The following EXD3 variants were observed in gnomAD, a reference collection of about 807,000 sequenced individuals.
EXD3 encodes the protein exonuclease mut-7 homolog.
Under a neutral mutation model 98.0 loss-of-function variants are expected in EXD3, and 92 were observed. The observed-to-expected ratio is 0.94, with a 90% CI of 0.79 to 1.12. EXD3 has a LOEUF of 1.12. EXD3 is among the 50% of genes most tolerant of loss of function. EXD3 has a pLI of 0.00. For missense variants in EXD3, 1,222 were observed against 1,191.6 expected, an observed-to-expected ratio of 1.03 and a Z score of -0.38; for synonymous variants, 569 against 526.0, an observed-to-expected ratio of 1.08 and a Z score of -1.12.
chr9:137,365,894 G>A (rs895218715), intron 7 of EXD3: 2 of 383,664 alleles, frequency 5.2e-6, no homozygotes, highest in Non-Finnish European at 1.0e-5. Flanking sequence ...CACACCTGCA[G>A]GCACACACAT....
At chr9:137,373,377 G>A (rs758238927) in intron 4 of EXD3, 49 bp downstream of exon 4, 1 of 1,584,598 alleles carries the variant, frequency 6.3e-7, no homozygotes, top group Non-Finnish European at 8.5e-7. Context: ...ACTATGCTGA[G>A]GGGCAGGGGC....
chr9:137,323,233 G>A (rs368216184), intron 19 of EXD3, among the ~76,000 whole-genome samples: 1 of 6,984 alleles, frequency 1.4e-4, no homozygotes, highest in Non-Finnish European at 2.7e-4. Flanking sequence ...CCCACCCCGG[G>A]CCCACGAGGG....
intron 1 of EXD3, among the ~76,000 whole-genome samples, chr9:137,399,596 C>T (rs1315274726): frequency 2.0e-5 from 3 of 152,174 alleles, no homozygotes; most frequent in Non-Finnish European, 4.4e-5. Context: ...TTCCTAACCC[C>T]CATATTAGTT....
Position 137,347,962 on chromosome 9 carries a change from G to T in EXD3, c.1998+109C>A. On this transcript the variant is annotated intron_variant, in intron 17 of 21. Transcript: ENST00000340951. This position sits in a 1 kb window ranked among gnomAD's most constrained non-coding sequence, Gnocchi z 4.2. ...TTCCCAGAGCCTGCCTGGCACAGCT[G>T]GCAGCCATGGATGAGCTGGAGGGAG... 3 of 1,311,744 alleles carry T rather than the reference G, an allele frequency of 2.3e-6. No individual in the cohort carries two copies. The highest frequency in any genetic ancestry group is 3.1e-6 in the Non-Finnish European group (3 of 967,852). The allele number at this position is 1,311,744 out of a possible 1,614,324, so 81.3% of individuals were successfully genotyped here. A position where few individuals can be genotyped will look rare whatever the true frequency, so the allele number is the denominator to read the frequency against.
chr9:137,335,609 G>T (rs539832935), intron 17 of EXD3, among the ~76,000 whole-genome samples: 70 of 152,250 alleles, frequency 4.6e-4, no homozygotes, highest in African/African-American at 1.6e-3. Context: ...GAACCCGGGA[G>T]GCGGAGGTTG....
intron 17 of EXD3, among the ~76,000 whole-genome samples, chr9:137,333,542 G>A (rs554398470): frequency 8.5e-5 from 13 of 152,172 alleles, no homozygotes; most frequent in Non-Finnish European, 1.9e-4. Context: ...CTGGCCTGGA[G>A]GGAGGCCACT....
At position 137,385,866 on chromosome 9, in the gene EXD3, G is replaced by A. The variant is rs543715453; in HGVS notation, c.56-2489C>T. ...TCTTTTAAAGCAGAGTTTCAGATGC[G>A]TGAGATGAGAAGGTTCTGCAGGTGG... On this transcript the variant is annotated intron_variant, in intron 2 of 21. Transcript: ENST00000340951. This position sits in a 1 kb window ranked among gnomAD's most constrained non-coding sequence, Gnocchi z 4.4. Among the ~76,000 whole-genome samples, 9 of 152,270 alleles carry A rather than the reference G, an allele frequency of 5.9e-5. No homozygotes were observed. The highest frequency in any genetic ancestry group is 1.9e-4 in the East Asian group (1 of 5,186).
At chr9:137,346,238 CAAAAAAAAAAA>C (rs563761495) in intron 17 of EXD3, among the ~76,000 whole-genome samples, 7 of 13,614 alleles carry the variant, frequency 5.1e-4, no homozygotes, top group East Asian at 2.1e-3. Context: ...GACTCCGTCT[CAAAAAAAAAAA>C]AAAAAAAAAA....
intron 8 of EXD3, among the ~76,000 whole-genome samples, chr9:137,356,026 G>T (rs1183009054): frequency 1.3e-5 from 2 of 152,188 alleles, no homozygotes; most frequent in Admixed American, 6.5e-5. Context: ...AGCCCTCCCG[G>T]AGCCGCCTAG....
At position 137,373,447 on chromosome 9, in the gene EXD3, C is replaced by T. The variant is rs1267312882; in HGVS notation, c.273G>A (p.Gln91=). The T allele has an allele frequency of 6.2e-7, 1 of 1,608,566 alleles. No individual in the cohort carries two copies. The highest frequency in any genetic ancestry group is 1.1e-5 in the South Asian group (1 of 90,766). ...TCACCTGGGCCAGGCTCGGGCATGG[C>T]TGTGCCTGTAGCCAGCACTGCAGCT... ...SHQLQCWLQA[Q]PCPSLAQHSL... Residue 91 remains glutamine, a synonymous_variant, in exon 4 of 22, where the codon CAG becomes CAA. Coordinates refer to ENST00000340951, the MANE Select transcript of EXD3 (RefSeq NM_017820.5).
chr9:137,341,515 C>G (rs979340405), intron 17 of EXD3, among the ~76,000 whole-genome samples: 2 of 151,454 alleles, frequency 1.3e-5, no homozygotes, highest in African/African-American at 4.8e-5. Context: ...GCACCAGGAG[C>G]CGTCTCCCAG....
At position 137,407,175 on chromosome 9, in the gene EXD3, G is replaced by A. The variant is rs1358562071; in HGVS notation, c.-47-11771C>T. 6.6e-6 allele frequency among the ~76,000 whole-genome samples: 1 copy of A among 152,184 alleles called. No individual in the cohort carries two copies. The highest frequency in any genetic ancestry group is 1.5e-5 in the Non-Finnish European group (1 of 68,018). On this transcript the variant is annotated intron_variant, in intron 1 of 21. Transcript: ENST00000340951. The surrounding 1 kb of genome is among the most constrained non-coding windows in gnomAD (Gnocchi z 4.4). The stretch of plus-strand genomic sequence containing the variant: ...CCGGTCTCTGGGCCCCTCTGCTGGT[G>A]GAACCCGGCAGCGCCTCCTCCGTCT...
intron 19 of EXD3, among the ~76,000 whole-genome samples, chr9:137,318,812 G>A (rs560766097): frequency 1.3e-5 from 2 of 152,278 alleles, no homozygotes; most frequent in Admixed American, 6.5e-5. Flanking sequence ...CACCGCCTGG[G>A]GTCTCTGCTG....
intron 1 of EXD3, among the ~76,000 whole-genome samples, chr9:137,408,045 G>C (rs1469975618): frequency 6.6e-6 from 1 of 152,076 alleles, no homozygotes; most frequent in Admixed American, 6.6e-5. Context: ...CCAGCCTCAG[G>C]CCTCCAAGGG....
At chr9:137,378,182 TC>T (rs1173750148) in intron 3 of EXD3, among the ~76,000 whole-genome samples, 2 of 151,906 alleles carry the variant, frequency 1.3e-5, no homozygotes, top group Non-Finnish European at 2.9e-5. Flanking sequence ...CCAGGCAGTT[TC>T]CCAAAGATTT....
intron 17 of EXD3, among the ~76,000 whole-genome samples, chr9:137,346,756 C>T (rs1294034274): frequency 6.8e-6 from 1 of 147,612 alleles, no homozygotes; most frequent in Non-Finnish European, 1.5e-5. Context: ...AAAACTACTT[C>T]CGCATGTTTA....
chr9:137,348,170 C>T lies in EXD3; in HGVS notation c.1899G>A (p.Val633=), dbSNP rs749269507. ...PQIPARAFRV[V]CDNMLQGLAR... is the part of the protein sequence containing the mutation. ...CCAGCCCCTGCAGCATGTTGTCACA[C>T]ACCACACGGAAGGCCCTGGCCGGAA... The change falls in exon 17 of 22, where the codon GTG becomes GTA. Residue 633 remains valine, a synonymous_variant. Coordinates refer to ENST00000340951, the MANE Select transcript of EXD3 (RefSeq NM_017820.5). 5.0e-6 allele frequency: 8 copies of T among 1,612,178 alleles called. No individual in the cohort carries two copies. Among genetic ancestry groups the T allele is most frequent in the Admixed American group, 3.3e-5 (2 of 59,974 alleles).
intron 1 of EXD3, among the ~76,000 whole-genome samples, chr9:137,402,826 C>G (rs995177873): frequency 2.6e-5 from 4 of 152,168 alleles, no homozygotes; most frequent in Non-Finnish European, 2.9e-5. Flanking sequence ...TTCCACATGG[C>G]TGGGGAGGCC....
chr9:137,406,867 C>T (rs1016053432), intron 1 of EXD3, among the ~76,000 whole-genome samples: 1 of 152,124 alleles, frequency 6.6e-6, no homozygotes, highest in Non-Finnish European at 1.5e-5. Context: ...GCAGCCCGTC[C>T]CCCCTCAGCA....
Sources: allele counts gnomAD v4.1 joint callset (sites outside exome capture counted in the v4.1 genomes callset), GRCh38; gene constraint gnomAD v4.1.1; non-coding constraint Gnocchi (gnomAD v3.1); transcripts MANE v1.5; gene names NCBI Gene and HGNC (gene_info 2026-07-23, HGNC 2026-07-21).